Variants in IMMP2L observed in about 807,000 individuals in gnomAD.
The protein encoded by IMMP2L is inner mitochondrial membrane peptidase subunit 2.
A neutral mutation model predicts 19.3 loss-of-function variants in IMMP2L; 18 were observed. The observed-to-expected ratio is 0.93, with a 90% CI of 0.64 to 1.38. The LOEUF is 1.38. Ranked by LOEUF, IMMP2L falls within the 40% of genes most tolerant of loss-of-function variation. IMMP2L has a pLI of 0.00. For synonymous variants in IMMP2L, 76 were observed against 73.0 expected, an observed-to-expected ratio of 1.04 and a Z score of -0.21; for missense variants, 233 against 218.2, an observed-to-expected ratio of 1.07 and a Z score of -0.43.
chr7:111,374,718 A>G (rs977018710), intron 3 of IMMP2L, among the ~76,000 whole-genome samples: 7 of 152,146 alleles, frequency 4.6e-5, no homozygotes, highest in African/African-American at 9.6e-5. Context: ...GCCTGACCAC[A>G]TAAGTCTGAC....
intron 3 of IMMP2L, chr7:111,392,667 C>A: frequency 2.4e-6 from 1 of 422,908 alleles, no homozygotes; most frequent in Non-Finnish European, 4.7e-6. Context: ...CTCAGTCCCA[C>A]AAATCAAGGT....
At position 111,008,293 on chromosome 7, in the gene IMMP2L, C is replaced by T. The variant is rs1339577310; in HGVS notation, c.240-44728G>A. Among the ~76,000 whole-genome samples, 7 of 152,168 alleles carry T rather than the reference C, an allele frequency of 4.6e-5. No homozygotes were observed. The East Asian group carries it at 1.4e-3, about 29-fold the overall frequency. ...GGTAAAGTCCTACCATCAACCTCAA[C>T]TGCTCTACTCTTGATCACACTGACT... is the stretch of plus-strand genomic sequence containing the variant. On this transcript the variant is annotated intron_variant, in intron 3 of 5. Coordinates refer to ENST00000405709, the MANE Select transcript of IMMP2L (RefSeq NM_032549.4).
chr7:110,792,324 ACTG>A lies in IMMP2L; in HGVS notation c.408+94266_408+94268del, dbSNP rs1218535495. Among the ~76,000 whole-genome samples, 5 of 151,858 alleles carry A rather than the reference ACTG, an allele frequency of 3.3e-5. No homozygotes were observed. In the East Asian group the frequency reaches 9.7e-4, roughly 29 times the overall value. ...AATGTGAAAGGACTGGCATACAGGTACTGAGTTGATACCATTTTTTTCCCTTCT... is the reference window on the plus strand; with the variant it reads ...AATGTGAAAGGACTGGCATACAGGTAAGTTGATACCATTTTTTTCCCTTCT... On this transcript the variant is annotated intron_variant, in intron 5 of 5. Transcript: ENST00000405709.
intron 4 of IMMP2L, among the ~76,000 whole-genome samples, chr7:110,894,241 T>G (rs1370868660): frequency 6.6e-6 from 1 of 152,084 alleles, no homozygotes; most frequent in Non-Finnish European, 1.5e-5. Context: ...CTCAGCTACC[T>G]CAGGAGTAAA....
intron 3 of IMMP2L, among the ~76,000 whole-genome samples, chr7:110,975,560 A>ACTG (rs1311920470): frequency 6.6e-6 from 1 of 152,166 alleles, no homozygotes; most frequent in East Asian, 1.9e-4. Flanking sequence ...GAATTTCTTA[A>ACTG]CTGCCAACTA....
chr7:111,550,714 A>G (rs1165442610), intron 1 of IMMP2L, among the ~76,000 whole-genome samples: 1 of 152,170 alleles, frequency 6.6e-6, no homozygotes, highest in Non-Finnish European at 1.5e-5. Flanking sequence ...ATTTAGTAGA[A>G]AGCATCCTTG....
chr7:111,490,629 A>G (rs998141748), intron 2 of IMMP2L, among the ~76,000 whole-genome samples: 1 of 152,006 alleles, frequency 6.6e-6, no homozygotes, highest in African/African-American at 2.4e-5. Flanking sequence ...TATCTACACT[A>G]ATCAGTCTCT....
intron 5 of IMMP2L, 33 bp downstream of exon 5, chr7:110,886,560 A>G (rs1205185121): frequency 1.7e-6 from 2 of 1,209,326 alleles, no homozygotes; most frequent in African/African-American, 1.5e-5. Context: ...TTGAAATCCA[A>G]TTACATCAAC....
At chr7:110,852,944 C>G (rs575027364) in intron 5 of IMMP2L, among the ~76,000 whole-genome samples, 58 of 152,216 alleles carry the variant, frequency 3.8e-4, no homozygotes, top group African/African-American at 1.3e-3. Context: ...CAGAGCTGCT[C>G]TGTCCCTGGT....
At chr7:110,917,443 A>G (rs1813735157) in intron 4 of IMMP2L, among the ~76,000 whole-genome samples, 1 of 152,222 alleles carries the variant, frequency 6.6e-6, no homozygotes, top group African/African-American at 2.4e-5. Context: ...GCATGTCAAA[A>G]TAGTGATACG....
At chr7:111,437,684 G>C (rs1358656781) in intron 3 of IMMP2L, among the ~76,000 whole-genome samples, 1 of 151,714 alleles carries the variant, frequency 6.6e-6, no homozygotes, top group Non-Finnish European at 1.5e-5. Context: ...ACCTTACAAT[G>C]TATGGTATCT....
chr7:111,476,668 G>C (rs1226776879), intron 3 of IMMP2L, among the ~76,000 whole-genome samples: 1 of 152,122 alleles, frequency 6.6e-6, no homozygotes, highest in Non-Finnish European at 1.5e-5. Context: ...CTGTGTAGTT[G>C]TAAGACCGAG....
At chr7:110,702,629 A>G (rs1329429740) in intron 5 of IMMP2L, among the ~76,000 whole-genome samples, 1 of 152,118 alleles carries the variant, frequency 6.6e-6, no homozygotes, top group Non-Finnish European at 1.5e-5. Flanking sequence ...TGTATTGCAC[A>G]TATTTTGTTA....
chr7:110,663,849 A>C (rs756336833), intron 5 of IMMP2L, 128 bp from the exon 6 acceptor site: 1 of 576,800 alleles, frequency 1.7e-6, no homozygotes, highest in East Asian at 3.2e-5. Flanking sequence ...AATAAAAAAA[A>C]TAGTAAACAC....
intron 1 of IMMP2L, among the ~76,000 whole-genome samples, chr7:111,541,976 A>G (rs191546965): frequency 3.3e-5 from 5 of 152,264 alleles, no homozygotes; most frequent in East Asian, 1.9e-4. Flanking sequence ...TAAAAATAAA[A>G]GTGAGACGTA....
At chr7:111,409,818 C>CAA (rs1834236967) in intron 3 of IMMP2L, among the ~76,000 whole-genome samples, 1 of 151,652 alleles carries the variant, frequency 6.6e-6, no homozygotes, top group Admixed American at 6.6e-5. Context: ...AAAGCTATTT[C>CAA]AGATAGTGGA....
chr7:111,274,156 A>G (rs1010177609), intron 3 of IMMP2L, among the ~76,000 whole-genome samples: 2 of 152,136 alleles, frequency 1.3e-5, no homozygotes, highest in African/African-American at 2.4e-5. Flanking sequence ...AATATAGTAG[A>G]TAGTTCTAAA....
chr7:111,200,076 A>G (rs1463726715), intron 3 of IMMP2L, among the ~76,000 whole-genome samples: 1 of 152,140 alleles, frequency 6.6e-6, no homozygotes, highest in Non-Finnish European at 1.5e-5. Context: ...TTGAAGTTTT[A>G]ATAAAGGTAT....
rs565094086 is a variant in IMMP2L at position 110,893,860 on chromosome 7, A to AT, written c.306-7166dup. Reference sequence around the variant, plus strand: ...ACCCTATTTTTAAAAGGAAAAAATGATTTTTTTTCTTTTTCTTTTCCCCCA... The same window carrying AT: ...ACCCTATTTTTAAAAGGAAAAAATGATTTTTTTTTCTTTTTCTTTTCCCCCA... On this transcript the variant is annotated intron_variant, in intron 4 of 5. Coordinates refer to ENST00000405709, the MANE Select transcript of IMMP2L (RefSeq NM_032549.4). Among the ~76,000 whole-genome samples, 6 of 151,978 alleles carry AT rather than the reference A, an allele frequency of 3.9e-5. No individual in the cohort carries two copies. The South Asian group carries it at 6.2e-4, about 16-fold the overall frequency.
Sources: allele counts gnomAD v4.1 joint callset (sites outside exome capture counted in the v4.1 genomes callset), GRCh38; gene constraint gnomAD v4.1.1; transcripts MANE v1.5; gene names NCBI Gene and HGNC (gene_info 2026-07-23, HGNC 2026-07-21).